Variants in IPO11 observed in about 807,000 individuals in gnomAD.
The protein encoded by IPO11 is importin-11.
IPO11 carries 66 observed loss-of-function variants against 143.2 expected under a neutral mutation model. The observed-to-expected ratio is 0.46, with a 90% CI of 0.38 to 0.57. The LOEUF is 0.57. Among genes scored for constraint, IPO11 ranks in the 20% least tolerant of loss-of-function variants. IPO11 has a pLI of 0.00. For synonymous variants in IPO11, 385 were observed against 377.8 expected (o/e 1.02, Z -0.22); for missense variants, 1,026 against 1,141.0 (o/e 0.90, Z 1.45).
chr5:62,474,629 CCT>C (rs1354794976), intron 8 of IPO11, among the ~76,000 whole-genome samples, 165 bp downstream of exon 8: 1 of 152,082 alleles, frequency 6.6e-6, no homozygotes, highest in African/African-American at 2.4e-5. Flanking sequence ...CCAATTGCTC[CCT>C]GAGTGAGCAC....
intron 28 of IPO11, among the ~76,000 whole-genome samples, chr5:62,593,758 T>TG (rs921573227): frequency 6.6e-6 from 1 of 152,202 alleles, no homozygotes; most frequent in Non-Finnish European, 1.5e-5. Context: ...CTTTTTATTC[T>TG]GGGGTGGTAC....
At chr5:62,533,575 A>C (rs1356376130) in intron 22 of IPO11, among the ~76,000 whole-genome samples, 2 of 152,308 alleles carry the variant, frequency 1.3e-5, no homozygotes, top group African/African-American at 4.8e-5. Flanking sequence ...TTAATCTTTT[A>C]AGAGTATAAA....
At chr5:62,444,097 CT>C (rs533439906) in intron 3 of IPO11, among the ~76,000 whole-genome samples, 164 of 139,136 alleles carry the variant, frequency 1.2e-3, no homozygotes, top group Admixed American at 1.0e-3. Context: ...ATGTCTTTTT[CT>C]TTTTTTTTTT....
At chr5:62,560,794 ATAATC>A (rs1743743323) in intron 26 of IPO11, 1 of 160,910 alleles carries the variant, frequency 6.2e-6, no homozygotes, top group African/African-American at 2.4e-5. Flanking sequence ...TGAATAAAGA[ATAATC>A]TAAGTACAAG....
rs943006699 is a variant in IPO11 at position 62,452,662 on chromosome 5, C to T, written c.516+729C>T. On this transcript the variant is annotated intron_variant, in intron 5 of 29. Coordinates refer to ENST00000325324, the MANE Select transcript of IPO11 (RefSeq NM_016338.5). ...TGCACCTTTTTTTTGGTTTTGGGTT[C>T]GTGTGTGTGTGTGTGTGTGTGTGTA... 2.6e-4 allele frequency among the ~76,000 whole-genome samples: 36 copies of T among 140,206 alleles called. 2 individuals carry two copies. The highest frequency in any genetic ancestry group is 7.0e-4 in the Admixed American group (10 of 14,266). 92.0% of individuals were successfully genotyped at this position (140,206 alleles called of 152,430 possible).
At chr5:62,603,636 C>T (rs1289946671) in intron 29 of IPO11, among the ~76,000 whole-genome samples, 5 of 152,192 alleles carry the variant, frequency 3.3e-5, no homozygotes, top group Non-Finnish European at 5.9e-5. Flanking sequence ...AATTTAAACA[C>T]GCCAGTTCAC....
In IPO11 at chr5:62,561,220, G is replaced by A. The variant is rs148438020; in HGVS notation, c.2545G>A (p.Ala849Thr). ...ITQPERRKLSALALLSLLPSD... is the reference protein window; with the variant it reads ...ITQPERRKLSTLALLSLLPSD... Reference sequence around the variant, plus strand: ...CCAGCCTGAAAGAAGAAAACTTTCAGCTTTGGCTTTGCTCTCTCTTCTGCC... The same window carrying A: ...CCAGCCTGAAAGAAGAAAACTTTCAACTTTGGCTTTGCTCTCTCTTCTGCC... The change falls in exon 27 of 30, where the codon GCT (alanine) becomes ACT (threonine). Residue 849 changes from alanine to threonine, a missense_variant. Around this residue, in one of 5 missense-constraint regions of IPO11, gnomAD observed 351 missense variants for 358.9 expected, o/e 0.98. Coordinates refer to ENST00000325324, the MANE Select transcript of IPO11 (RefSeq NM_016338.5). 6.2e-7 allele frequency: 1 copy of A among 1,609,506 alleles called. No individual in the cohort carries two copies. Among genetic ancestry groups the A allele is most frequent in the African/African-American group, 1.3e-5 (1 of 74,290 alleles).
intron 3 of IPO11, among the ~76,000 whole-genome samples, chr5:62,445,185 G>C (rs1744676301): frequency 1.3e-5 from 2 of 151,968 alleles, no homozygotes; most frequent in African/African-American, 4.8e-5. Context: ...AAAGATGCTT[G>C]TTTCTGTACT....
At chr5:62,558,101 T>C (rs1334989991) in intron 26 of IPO11, among the ~76,000 whole-genome samples, 1 of 152,246 alleles carries the variant, frequency 6.6e-6, no homozygotes, top group Non-Finnish European at 1.5e-5. Flanking sequence ...AGCTGATAGA[T>C]GTCAGTGTGG....
intron 28 of IPO11, among the ~76,000 whole-genome samples, chr5:62,591,944 G>C (rs1044229867): frequency 3.9e-5 from 6 of 152,256 alleles, no homozygotes; most frequent in Admixed American, 2.6e-4. Context: ...CCGCCTCCCA[G>C]GTTCAAGTGA....
At chr5:62,553,910 G>T (rs769503648) in intron 26 of IPO11, among the ~76,000 whole-genome samples, 2 of 151,840 alleles carry the variant, frequency 1.3e-5, no homozygotes, top group African/African-American at 2.4e-5. Flanking sequence ...CTACCACCCC[G>T]GCTGGCTATG....
At chr5:62,522,291 T>TTTTTTTTGTTTG (rs1554053318) in intron 20 of IPO11, among the ~76,000 whole-genome samples, 40 of 150,634 alleles carry the variant, frequency 2.7e-4, no homozygotes, top group African/African-American at 9.0e-4. Flanking sequence ...GTGGTGGGTT[T>TTTTTTTTGTTTG]TTTTTTTTTT....
intron 28 of IPO11, among the ~76,000 whole-genome samples, chr5:62,598,480 C>CTTTCTTTCTTTCTT (rs1745343164): frequency 3.0e-4 from 1 of 3,332 alleles, no homozygotes. Context: ...CTCTCTCTCT[C>CTTTCTTTCTTTCTT]TCTCTCTCTC....
intron 27 of IPO11, among the ~76,000 whole-genome samples, chr5:62,566,681 T>G (rs1215825548): frequency 6.7e-6 from 1 of 148,612 alleles, no homozygotes; most frequent in African/African-American, 2.5e-5. Context: ...GAGGTTGCAG[T>G]GAGCCAAAAT....
chr5:62,475,639 T>C (rs537229079), intron 8 of IPO11, among the ~76,000 whole-genome samples: 9 of 152,354 alleles, frequency 5.9e-5, no homozygotes, highest in African/African-American at 1.7e-4. Flanking sequence ...TGCCAAATCC[T>C]GTTTAGACTT....
At chr5:62,416,697 A>G (rs1743304251) in intron 1 of IPO11, among the ~76,000 whole-genome samples, 1 of 149,532 alleles carries the variant, frequency 6.7e-6, no homozygotes, top group South Asian at 2.1e-4. Flanking sequence ...ATTTAAGCAT[A>G]CCCAAGTCTC....
In IPO11 at chr5:62,476,801, G is replaced by T. The variant is rs189034386; in HGVS notation, c.828+48G>T. On this transcript the variant is annotated intron_variant, in intron 9 of 29. Coordinates refer to ENST00000325324, the MANE Select transcript of IPO11 (RefSeq NM_016338.5). ...TTCTCAAATATAATACACATATTCAGATTTACAAAGGAAAATGATATTTTT... is the reference window on the plus strand; with the variant it reads ...TTCTCAAATATAATACACATATTCATATTTACAAAGGAAAATGATATTTTT... The T allele has an allele frequency of 7.6e-4, 1,078 of 1,419,780 alleles. 7 individuals are homozygous for T. Among genetic ancestry groups the T allele is most frequent in the East Asian group, 3.3e-3 (129 of 39,020 alleles). 87.9% of individuals were successfully genotyped at this position (1,419,780 alleles called of 1,614,324 possible). A position where few individuals can be genotyped will look rare whatever the true frequency, so the allele number is the denominator to read the frequency against.
chr5:62,619,078 C>A (rs567878897), intron 29 of IPO11, among the ~76,000 whole-genome samples: 38 of 152,122 alleles, frequency 2.5e-4, no homozygotes, highest in Admixed American at 1.6e-3. Flanking sequence ...AAAAAATTAG[C>A]CAGGCATGGT....
chr5:62,586,140 A>G (rs1044693942), intron 27 of IPO11, among the ~76,000 whole-genome samples: 1 of 152,198 alleles, frequency 6.6e-6, no homozygotes, highest in Non-Finnish European at 1.5e-5. Context: ...CATTGAGCAT[A>G]AAGTTTTTTG....
Sources: gnomAD v4.1 joint callset for allele counts (sites outside exome capture counted in the v4.1 genomes callset) on GRCh38, gnomAD v4.1.1 for gene constraint, gnomAD v4.1.1 regional missense constraint, MANE v1.5 for transcripts, NCBI Gene and HGNC (gene_info 2026-07-23, HGNC 2026-07-21) for gene names.